Variants in SEC23B observed in about 807,000 individuals in gnomAD.
SEC23B encodes the protein protein transport protein Sec23B.
A neutral mutation model predicts 104.3 loss-of-function variants in SEC23B; 77 were observed. That is an observed-to-expected ratio of 0.74 (90% confidence interval 0.61 to 0.89). The LOEUF (loss-of-function observed/expected upper bound fraction) is 0.89. Among genes scored for constraint, SEC23B ranks in the 40% least tolerant of loss-of-function variants. The pLI is 0.00. For missense variants in SEC23B, 885 were observed against 949.4 expected, an observed-to-expected ratio of 0.93 and a Z score of 0.89; for synonymous variants, 338 against 332.5, an observed-to-expected ratio of 1.02 and a Z score of -0.18.
intron 18 of SEC23B, among the ~76,000 whole-genome samples, chr20:18,554,826 CAAA>C (rs34982139): frequency 8.3e-6 from 1 of 120,270 alleles, no homozygotes; most frequent in Non-Finnish European, 1.7e-5. Flanking sequence ...GACTCCGTCT[CAAA>C]AAAAAAAAAA....
Position 18,554,970 on chromosome 20 carries a change from TTCTAATTA to T in SEC23B, c.2149-137_2149-130del. Reference sequence around the variant, plus strand: ...AATAGATTACTGTGCAGTAAAACAATTCTAATTAGATTACTGTGCAGTAAAACAATTCT... The same window carrying T: ...AATAGATTACTGTGCAGTAAAACAATGATTACTGTGCAGTAAAACAATTCT... On this transcript the variant is annotated intron_variant, in intron 18 of 19. Transcript: ENST00000650089. 69 of 70,082 alleles carry T rather than the reference TTCTAATTA, an allele frequency of 9.8e-4. 24 individuals are homozygous for T. The highest frequency in any genetic ancestry group is 4.1e-3 in the South Asian group (20 of 4,832). The allele number at this position is 70,082 out of a possible 1,614,324, so 4.3% of individuals were successfully genotyped here. A position where few individuals can be genotyped will look rare whatever the true frequency, so the allele number is the denominator to read the frequency against.
At chr20:18,549,092 T>A (rs890579595) in intron 16 of SEC23B, among the ~76,000 whole-genome samples, 2 of 151,948 alleles carry the variant, frequency 1.3e-5, no homozygotes, top group Non-Finnish European at 2.9e-5. Context: ...GAGTAGACTT[T>A]GTGCCAAAAA....
At chr20:18,543,290 C>T in intron 14 of SEC23B, 118 bp downstream of exon 14, 1 of 1,248,638 alleles carries the variant, frequency 8.0e-7, no homozygotes. Context: ...AGTTGCCTAC[C>T]TTATGCTGCA....
intron 11 of SEC23B, among the ~76,000 whole-genome samples, chr20:18,535,164 T>C (rs571595675): frequency 6.6e-6 from 1 of 152,110 alleles, no homozygotes; most frequent in African/African-American, 2.4e-5. Context: ...TTCAGCGTTA[T>C]ATACCATGTA....
chr20:18,549,150 G>A (rs373776878), intron 16 of SEC23B, among the ~76,000 whole-genome samples: 11 of 151,854 alleles, frequency 7.2e-5, no homozygotes, highest in African/African-American at 2.4e-4. Context: ...ATAACAATCC[G>A]AATGTTTAAT....
At chr20:18,551,541 C>T (rs975946329) in intron 17 of SEC23B, among the ~76,000 whole-genome samples, 1 of 152,000 alleles carries the variant, frequency 6.6e-6, no homozygotes, top group Admixed American at 6.6e-5. Context: ...TGGCAAAACC[C>T]CATCTCTACT....
intron 11 of SEC23B, among the ~76,000 whole-genome samples, chr20:18,533,866 T>C (rs1420065731): frequency 6.6e-6 from 1 of 152,238 alleles, no homozygotes; most frequent in African/African-American, 2.4e-5. Context: ...ATATTTTTCA[T>C]GGACTTAAAA....
intron 4 of SEC23B, among the ~76,000 whole-genome samples, chr20:18,516,775 G>A (rs528741725): frequency 9.5e-4 from 144 of 151,860 alleles, no homozygotes; most frequent in Middle Eastern, 6.8e-3. Flanking sequence ...GGATGGTCTC[G>A]TTCTCCTGAC....
chr20:18,514,701 T>C (rs2060009889), intron 3 of SEC23B, among the ~76,000 whole-genome samples: 1 of 152,228 alleles, frequency 6.6e-6, no homozygotes, highest in Admixed American at 6.5e-5. Context: ...GGCATTATGT[T>C]GACTGGAAAA....
intron 4 of SEC23B, among the ~76,000 whole-genome samples, chr20:18,521,913 G>T (rs759953922): frequency 7.2e-5 from 11 of 152,166 alleles, no homozygotes; most frequent in Non-Finnish European, 1.3e-4. Flanking sequence ...GGATTATTTA[G>T]ATCTTGTAGG....
At chr20:18,515,476 A>G (rs2060016321) in intron 3 of SEC23B, among the ~76,000 whole-genome samples, 174 bp from the exon 4 acceptor site, 1 of 152,028 alleles carries the variant, frequency 6.6e-6, no homozygotes, top group South Asian at 2.1e-4. Context: ...ACGCCCAACT[A>G]ATGTTTTTAC....
At chr20:18,557,861 C>T (rs1349555198) in intron 19 of SEC23B, among the ~76,000 whole-genome samples, 1 of 151,356 alleles carries the variant, frequency 6.6e-6, no homozygotes, top group Non-Finnish European at 1.5e-5. Context: ...AAGCAATTCT[C>T]CTGCCTCAGC....
In SEC23B at chr20:18,532,051, TGGC is replaced by T. The variant is rs1242843731; in HGVS notation, c.1234-610_1234-608del. On this transcript the variant is annotated intron_variant, in intron 10 of 19. Transcript: ENST00000650089. ...CAGCCTGGGCAACAGAGTTGCCAGT[TGGC>T]GGGGCAGGTCAGGGGCCGTCATTAG... Among the ~76,000 whole-genome samples, 8 of 152,346 alleles carry T rather than the reference TGGC, an allele frequency of 5.3e-5. No homozygotes were observed. The East Asian group carries it at 1.5e-3, about 29-fold the overall frequency.
chr20:18,527,658 G>A (rs751138438), intron 9 of SEC23B, 47 bp downstream of exon 9: 6 of 1,242,496 alleles, frequency 4.8e-6, no homozygotes, highest in Non-Finnish European at 7.1e-6. Context: ...GTTATTTTAA[G>A]GAAAGAGAAA....
At chr20:18,548,486 T>C (rs1484626844) in intron 15 of SEC23B, 123 bp from the exon 16 acceptor site, 13 of 918,146 alleles carry the variant, frequency 1.4e-5, no homozygotes, top group Non-Finnish European at 2.2e-5. Flanking sequence ...CTTTCTGTTC[T>C]GTGAAACCAG....
intron 4 of SEC23B, among the ~76,000 whole-genome samples, chr20:18,518,044 T>G (rs2060046020): frequency 6.6e-6 from 1 of 152,186 alleles, no homozygotes; most frequent in Non-Finnish European, 1.5e-5. Flanking sequence ...AAAAGACCAT[T>G]AGTTTGTCCT....
intron 6 of SEC23B, among the ~76,000 whole-genome samples, chr20:18,525,462 G>A (rs1367111139): frequency 6.6e-6 from 1 of 152,196 alleles, no homozygotes; most frequent in African/African-American, 2.4e-5. Flanking sequence ...CACATAAATG[G>A]ACCTCACATA....
At chr20:18,546,575 C>A (rs2060334523) in intron 15 of SEC23B, among the ~76,000 whole-genome samples, 1 of 152,184 alleles carries the variant, frequency 6.6e-6, no homozygotes. Context: ...TCCATTGTAA[C>A]TTAGGAAATA....
intron 7 of SEC23B, 56 bp from the exon 8 acceptor site, chr20:18,526,317 A>C: frequency 6.3e-7 from 1 of 1,591,684 alleles, no homozygotes; most frequent in Non-Finnish European, 8.6e-7. Context: ...GGAAACTGAA[A>C]CCATACTAAA....
Sources: gnomAD v4.1 joint callset for allele counts (sites outside exome capture counted in the v4.1 genomes callset) on GRCh38, gnomAD v4.1.1 for gene constraint, MANE v1.5 for transcripts, NCBI Gene and HGNC (gene_info 2026-07-23, HGNC 2026-07-21) for gene names.